The following SYT9 variants were observed in gnomAD, a reference collection of about 807,000 sequenced individuals.
SYT9 encodes the protein synaptotagmin 9.
In SYT9, 22 loss-of-function variants were observed where a neutral mutation model predicts 48.4. The ratio of observed to expected loss-of-function variants is 0.45; its 90% CI spans 0.32 to 0.65. The LOEUF (loss-of-function observed/expected upper bound fraction) is 0.65. Ranked by LOEUF, SYT9 falls within the 30% of genes least tolerant of loss-of-function variation. The probability of loss-of-function intolerance (pLI) is 0.03; values close to 1 mark genes in which losing one functional copy is unlikely to be tolerated. For synonymous variants in SYT9, 265 were observed against 245.0 expected (o/e 1.08, Z -0.76); for missense variants, 577 against 622.0 (o/e 0.93, Z 0.77).
chr11:7,283,212 A>T (rs939748786), intron 1 of SYT9, among the ~76,000 whole-genome samples: 1 of 151,354 alleles, frequency 6.6e-6, no homozygotes, highest in Non-Finnish European at 1.5e-5. Flanking sequence ...TATATATGTT[A>T]TATATGTTAA....
chr11:7,362,120 T>C (rs1170975429), intron 3 of SYT9, among the ~76,000 whole-genome samples: 3 of 151,082 alleles, frequency 2.0e-5, no homozygotes, highest in African/African-American at 7.3e-5. Context: ...TTTCTTTCTT[T>C]CTTTCTTTTT....
In SYT9 at chr11:7,468,017, A is replaced by G; in HGVS notation, c.*1217A>G. On this transcript the variant is annotated 3_prime_UTR_variant, in exon 7 of 7. Transcript: ENST00000318881. ...TTCTGCCTCCACGTAAATGAAACCAAAGGCCTCAGCATATCCTGGGAGGAC... is the reference window on the plus strand; with the variant it reads ...TTCTGCCTCCACGTAAATGAAACCAGAGGCCTCAGCATATCCTGGGAGGAC... 2.8e-6 allele frequency: 1 copy of G among 358,972 alleles called. No individual in the cohort carries two copies. Among genetic ancestry groups the G allele is most frequent in the East Asian group, 4.1e-5 (1 of 24,394 alleles). 22.2% of individuals were successfully genotyped at this position (358,972 alleles called of 1,614,324 possible).
At position 7,414,013 on chromosome 11, in the gene SYT9, T is replaced by C. The variant is rs542032139; in HGVS notation, c.1045-2029T>C. Among the ~76,000 whole-genome samples the C allele has an allele frequency of 2.0e-5, 3 of 152,326 alleles. No individual in the cohort carries two copies. The South Asian group carries it at 6.2e-4, about 32-fold the overall frequency. On this transcript the variant is annotated intron_variant, in intron 3 of 6. Transcript: ENST00000318881. ...TTTAACTTATGAGCAAATAGCCATA[T>C]TGTATAAATATTTTTGAATGGGCTT...
chr11:7,357,913 T>C (rs1477651856), intron 3 of SYT9, among the ~76,000 whole-genome samples: 1 of 152,156 alleles, frequency 6.6e-6, no homozygotes, highest in Admixed American at 6.6e-5. Context: ...AATTTATTTC[T>C]CCATTGATTT....
At chr11:7,380,541 T>A (rs908495022) in intron 3 of SYT9, among the ~76,000 whole-genome samples, 2 of 151,996 alleles carry the variant, frequency 1.3e-5, no homozygotes, top group Admixed American at 6.6e-5. Flanking sequence ...TATCAAAACC[T>A]CTCAGGCACC....
intron 3 of SYT9, among the ~76,000 whole-genome samples, chr11:7,344,278 G>A (rs1024896873): frequency 1.3e-5 from 2 of 151,962 alleles, no homozygotes; most frequent in African/African-American, 4.8e-5. Flanking sequence ...AGTTGTGAGA[G>A]CTTTTAAAAT....
intron 1 of SYT9, among the ~76,000 whole-genome samples, chr11:7,267,443 G>A (rs1564841424): frequency 6.6e-6 from 1 of 151,664 alleles, no homozygotes; most frequent in Non-Finnish European, 1.5e-5. Flanking sequence ...ATCAGTGAGA[G>A]ATTAAGAAGT....
At chr11:7,389,889 A>G (rs1008421633) in intron 3 of SYT9, among the ~76,000 whole-genome samples, 1 of 152,202 alleles carries the variant, frequency 6.6e-6, no homozygotes, top group Admixed American at 6.5e-5. Flanking sequence ...CATGAAATAC[A>G]AGAAGACTTT....
At chr11:7,447,445 G>A (rs1186231784) in intron 6 of SYT9, among the ~76,000 whole-genome samples, 1 of 152,124 alleles carries the variant, frequency 6.6e-6, no homozygotes, top group East Asian at 1.9e-4. Flanking sequence ...ACTGCTCTGT[G>A]GTGCCACTTT....
At chr11:7,265,974 C>T (rs1164489345) in intron 1 of SYT9, among the ~76,000 whole-genome samples, 1 of 152,096 alleles carries the variant, frequency 6.6e-6, no homozygotes, top group African/African-American at 2.4e-5. Flanking sequence ...CCAATATGCT[C>T]ACTTCTTGTC....
chr11:7,427,037 C>T (rs541273507), intron 6 of SYT9, among the ~76,000 whole-genome samples: 352 of 152,182 alleles, frequency 2.3e-3, no homozygotes, highest in Non-Finnish European at 3.6e-3. Context: ...TTCTGATTTA[C>T]AGACAATAAG....
At chr11:7,318,370 A>G (rs1589941444) in intron 3 of SYT9, among the ~76,000 whole-genome samples, 1 of 151,764 alleles carries the variant, frequency 6.6e-6, no homozygotes, top group Admixed American at 6.6e-5. Context: ...CTGGAGTGCA[A>G]TGGCGCAATC....
chr11:7,369,124 C>G lies in SYT9; in HGVS notation c.1045-46918C>G, dbSNP rs552758006. Among the ~76,000 whole-genome samples the G allele has an allele frequency of 5.9e-5, 9 of 152,348 alleles. No individual in the cohort carries two copies. The South Asian group carries it at 1.9e-3, about 32-fold the overall frequency. ...ACAGTGTAAAAGCATTCCTATTTCTCCACATCCTCTCCAGCATCTGTTGTT... is the reference window on the plus strand; with the variant it reads ...ACAGTGTAAAAGCATTCCTATTTCTGCACATCCTCTCCAGCATCTGTTGTT... On this transcript the variant is annotated intron_variant, in intron 3 of 6. Coordinates refer to ENST00000318881, the MANE Select transcript of SYT9 (RefSeq NM_175733.4).
rs572272186 is a variant in SYT9, at chr11:7,343,153, G to A, written c.1044+29212G>A. On this transcript the variant is annotated intron_variant, in intron 3 of 6. Coordinates refer to ENST00000318881, the MANE Select transcript of SYT9 (RefSeq NM_175733.4). ...GCAAGGGTCTCTGACATGTCCTGGA[G>A]ACATTTTCCCCATTCTTTTGGTGAT... Among the ~76,000 whole-genome samples, 39 of 152,326 alleles carry A rather than the reference G, an allele frequency of 2.6e-4. 1 individual carries two copies. Among genetic ancestry groups the A allele is most frequent in the Admixed American group, 2.5e-3 (38 of 15,294 alleles).
chr11:7,426,196 A>G (rs113029272), intron 6 of SYT9, among the ~76,000 whole-genome samples: 6 of 152,010 alleles, frequency 3.9e-5, no homozygotes, highest in Non-Finnish European at 7.4e-5. Context: ...ACCTCGTGGC[A>G]TTGGCTGGAA....
chr11:7,359,025 A>G (rs1315866505), intron 3 of SYT9, among the ~76,000 whole-genome samples: 1 of 150,312 alleles, frequency 6.7e-6, no homozygotes, highest in Non-Finnish European at 1.5e-5. Flanking sequence ...AACAGTCCCC[A>G]GAGTGTGATG....
At chr11:7,454,382 C>T in intron 6 of SYT9, 1 of 863,852 alleles carries the variant, frequency 1.2e-6, no homozygotes, top group Non-Finnish European at 1.4e-6. Flanking sequence ...AGGCCTTCAG[C>T]TGCTTCTCCC....
At chr11:7,263,636 A>G (rs1848120667) in intron 1 of SYT9, among the ~76,000 whole-genome samples, 1 of 152,190 alleles carries the variant, frequency 6.6e-6, no homozygotes, top group African/African-American at 2.4e-5. Flanking sequence ...TTAAGAAAGT[A>G]TTCCTAGGTG....
intron 3 of SYT9, among the ~76,000 whole-genome samples, chr11:7,392,485 A>G (rs1443034720): frequency 6.6e-6 from 1 of 152,106 alleles, no homozygotes; most frequent in African/African-American, 2.4e-5. Flanking sequence ...TACCAGTACC[A>G]TATTCTTTTG....
Sources: gnomAD v4.1 joint callset for allele counts (sites outside exome capture counted in the v4.1 genomes callset) on GRCh38, gnomAD v4.1.1 for gene constraint, MANE v1.5 for transcripts, NCBI Gene and HGNC (gene_info 2026-07-23, HGNC 2026-07-21) for gene names.